Variants in XPO6 observed in about 807,000 individuals in gnomAD.
XPO6 encodes exportin-6.
In XPO6, 3 loss-of-function variants were observed where a neutral mutation model predicts 130.0. The ratio of observed to expected loss-of-function variants is 0.02; its 90% confidence interval spans 0.01 to 0.06. The LOEUF (loss-of-function observed/expected upper bound fraction) is 0.06. Among genes scored for constraint, XPO6 ranks in the 10% least tolerant of loss-of-function variants. XPO6 has a pLI of 1.00. For missense variants in XPO6, 970 were observed against 1,393.0 expected (o/e 0.70, Z 4.83); for synonymous variants, 524 against 548.9 (o/e 0.95, Z 0.63).
chr16:28,137,505 T>G (rs1213077531), intron 9 of XPO6, among the ~76,000 whole-genome samples: 4 of 152,212 alleles, frequency 2.6e-5, no homozygotes, highest in Non-Finnish European at 4.4e-5. Context: ...ATAACCAAAG[T>G]TAAAAGATAT....
At chr16:28,156,599 C>CA (rs34751450) in intron 6 of XPO6, 72 bp from the exon 7 acceptor site, 239 of 923,036 alleles carry the variant, frequency 2.6e-4, no homozygotes, top group Non-Finnish European at 2.9e-4. Flanking sequence ...AATTCTCCTT[C>CA]AAAAAAATAT....
intron 3 of XPO6, 126 bp from the exon 4 acceptor site, chr16:28,176,221 A>G (rs2043531406): frequency 1.0e-5 from 8 of 791,510 alleles, no homozygotes; most frequent in Non-Finnish European, 1.6e-5. Flanking sequence ...GTTTGGGGCA[A>G]TATGGCAATA....
chr16:28,106,315 C>T lies in XPO6; in HGVS notation c.2612+68G>A, dbSNP rs1235369147. On this transcript the variant is annotated intron_variant, in intron 19 of 23. Coordinates refer to ENST00000304658, the MANE Select transcript of XPO6 (RefSeq NM_015171.4). This position sits in a 1 kb window ranked among gnomAD's most constrained non-coding sequence, Gnocchi z 4.2. ...AGTGCAGAACAGGAGCAAAAAGCCA[C>T]ACTTTGTCGCCAGACCCACCACTTC... The T allele has an allele frequency of 5.6e-6, 9 of 1,606,640 alleles. No individual in the cohort carries two copies. In the East Asian group the frequency reaches 1.1e-4, roughly 20 times the overall value.
chr16:28,175,030 T>A (rs2043511994), intron 4 of XPO6, among the ~76,000 whole-genome samples: 1 of 152,194 alleles, frequency 6.6e-6, no homozygotes. Context: ...AAATTTTAAA[T>A]GCATTTTCTA....
At chr16:28,162,493 G>T (rs758311967) in intron 6 of XPO6, among the ~76,000 whole-genome samples, 44 of 152,206 alleles carry the variant, frequency 2.9e-4, no homozygotes, top group Non-Finnish European at 5.7e-4. Flanking sequence ...TGCCCACAGA[G>T]CTGTGTAGAC....
At chr16:28,130,644 T>G (rs1160116338) in intron 12 of XPO6, among the ~76,000 whole-genome samples, 1 of 152,188 alleles carries the variant, frequency 6.6e-6, no homozygotes, top group East Asian at 1.9e-4. Context: ...AAGCCAAGGA[T>G]CAGTGCTGAG....
chr16:28,102,086 G>C (rs566532756), intron 21 of XPO6, 141 bp from the exon 22 acceptor site: 1 of 631,684 alleles, frequency 1.6e-6, no homozygotes, highest in African/African-American at 1.8e-5. Flanking sequence ...CCTCTACGAC[G>C]CTCCTCCTAA....
chr16:28,164,625 AT>A (rs1366912099), intron 6 of XPO6, among the ~76,000 whole-genome samples: 4 of 152,224 alleles, frequency 2.6e-5, no homozygotes, highest in Non-Finnish European at 5.9e-5. Context: ...TAGGCACCAC[AT>A]TTTAGGTTTT....
At chr16:28,100,082 G>A (rs931574829) in intron 23 of XPO6, among the ~76,000 whole-genome samples, 1 of 152,196 alleles carries the variant, frequency 6.6e-6, no homozygotes, top group South Asian at 2.1e-4. Flanking sequence ...CTGCCTCCCG[G>A]GTTCAAGAGA....
rs758839925 is a variant in XPO6 at position 28,098,650 on chromosome 16, G to A, written c.3277-11C>T. 3.1e-6 allele frequency: 5 copies of A among 1,602,438 alleles called. No individual in the cohort carries two copies. Among genetic ancestry groups the A allele is most frequent in the Admixed American group, 1.7e-5 (1 of 59,532 alleles). On this transcript the variant is annotated splice_polypyrimidine_tract_variant and intron_variant, in intron 23 of 23. Transcript: ENST00000304658. Reference sequence around the variant, plus strand: ...GAATGAGGGCAGGTCCTGGAAGGCAGGGGCATAGCTGCAGCCAACAACACA... The same window carrying A: ...GAATGAGGGCAGGTCCTGGAAGGCAAGGGCATAGCTGCAGCCAACAACACA...
chr16:28,141,397 G>A (rs138343870), intron 9 of XPO6, among the ~76,000 whole-genome samples: 1 of 152,180 alleles, frequency 6.6e-6, no homozygotes, highest in African/African-American at 2.4e-5. Context: ...AGAGAGAAAG[G>A]GGAGGTGAAC....
At chr16:28,112,343 G>A (rs1025171951) in intron 16 of XPO6, among the ~76,000 whole-genome samples, 1 of 152,186 alleles carries the variant, frequency 6.6e-6, no homozygotes, top group Non-Finnish European at 1.5e-5. Flanking sequence ...AGTCCTCTGA[G>A]AAGCTACTTA....
intron 6 of XPO6, 37 bp downstream of exon 6, chr16:28,166,471 A>G: frequency 6.4e-7 from 1 of 1,554,304 alleles, no homozygotes; most frequent in Non-Finnish European, 8.7e-7. Flanking sequence ...CAATACATTT[A>G]AAAAGAAGAA....
intron 2 of XPO6, among the ~76,000 whole-genome samples, chr16:28,179,446 G>C (rs568223633): frequency 6.6e-6 from 1 of 152,302 alleles, no homozygotes; most frequent in South Asian, 2.1e-4. Flanking sequence ...ATTAAGCAAA[G>C]GTTTCTGTGA....
intron 23 of XPO6, 121 bp from the exon 24 acceptor site, chr16:28,098,760 A>G: frequency 1.5e-6 from 1 of 649,878 alleles, no homozygotes; most frequent in South Asian, 2.1e-5. Flanking sequence ...CTAAAACTCA[A>G]AACTTCTATT....
At chr16:28,107,218 G>A (rs986349794) in intron 18 of XPO6, among the ~76,000 whole-genome samples, 1 of 152,234 alleles carries the variant, frequency 6.6e-6, no homozygotes, top group Non-Finnish European at 1.5e-5. Flanking sequence ...AGACAAGGGT[G>A]AGGGGAACGA....
chr16:28,147,268 A>G (rs74014214), intron 8 of XPO6, among the ~76,000 whole-genome samples: 8,232 of 152,266 alleles, frequency 0.054, 572 homozygotes, highest in East Asian at 0.17. Flanking sequence ...CTGAGACAGA[A>G]TAAGTGTAAC....
chr16:28,153,804 A>G, intron 7 of XPO6: 3 of 985,412 alleles, frequency 3.0e-6, no homozygotes, highest in Non-Finnish European at 3.6e-6. Context: ...TGCAAAAGCT[A>G]TTTTTCAAAA....
intron 1 of XPO6, among the ~76,000 whole-genome samples, chr16:28,186,281 T>C (rs892006277): frequency 2.0e-5 from 3 of 152,060 alleles, no homozygotes; most frequent in African/African-American, 7.3e-5. Flanking sequence ...ATAATTGCTT[T>C]TACCTGGTTT....
Sources: allele counts gnomAD v4.1 joint callset (sites outside exome capture counted in the v4.1 genomes callset), GRCh38; gene constraint gnomAD v4.1.1; non-coding constraint Gnocchi (gnomAD v3.1); transcripts MANE v1.5; gene names NCBI Gene and HGNC (gene_info 2026-07-23, HGNC 2026-07-21).